The following RBFOX1 variants were observed in gnomAD, a reference collection of about 807,000 sequenced individuals.
The protein encoded by RBFOX1 is RNA binding fox-1 homolog 1.
Under a neutral mutation model 57.7 loss-of-function variants are expected in RBFOX1, and 8 were observed. The observed-to-expected ratio is 0.14, with a 90% confidence interval of 0.08 to 0.25. The LOEUF is 0.25. RBFOX1 is among the 10% of genes least tolerant of loss of function. The pLI is 1.00. For synonymous variants in RBFOX1, 326 were observed against 222.4 expected (o/e 1.47, Z -4.15); for missense variants, 611 against 548.5 (o/e 1.11, Z -1.14).
chr16:5,914,064 C>T (rs1247230762), intron 4 of RBFOX1, among the ~76,000 whole-genome samples: 2 of 152,180 alleles, frequency 1.3e-5, no homozygotes, highest in Non-Finnish European at 2.9e-5. Flanking sequence ...GAGGCATTAA[C>T]CCACAACTTT....
intron 3 of RBFOX1, among the ~76,000 whole-genome samples, chr16:6,951,160 G>C (rs991233810): frequency 2.2e-4 from 34 of 152,102 alleles, no homozygotes; most frequent in African/African-American, 7.0e-4. Context: ...TCCAGCATCA[G>C]CTTCCCAAAG....
At chr16:7,052,944 A>G (rs1389061541) in intron 4 of RBFOX1, among the ~76,000 whole-genome samples, 7 of 152,204 alleles carry the variant, frequency 4.6e-5, no homozygotes, top group Admixed American at 3.3e-4. Flanking sequence ...TCAAATTGTT[A>G]TAAAAATCAG....
chr16:7,302,824 T>C (rs2096065855), intron 4 of RBFOX1, among the ~76,000 whole-genome samples: 1 of 151,890 alleles, frequency 6.6e-6, no homozygotes, highest in Non-Finnish European at 1.5e-5. Flanking sequence ...CATCCTATTT[T>C]ATTGCATAAA....
intron 3 of RBFOX1, among the ~76,000 whole-genome samples, chr16:6,884,967 C>G (rs2063691912): frequency 2.0e-5 from 3 of 152,276 alleles, no homozygotes; most frequent in Admixed American, 2.0e-4. Flanking sequence ...GACCGCAACC[C>G]AGATCTATCT....
rs36218292 is a variant in RBFOX1 at position 6,028,509 on chromosome 16, T to TAAAAAAAAA, written c.-127+8534_-127+8542dup. 1.5e-3 allele frequency among the ~76,000 whole-genome samples: 159 copies of TAAAAAAAAA among 104,496 alleles called. 1 individual carries two copies. Among genetic ancestry groups the TAAAAAAAAA allele is most frequent in the African/African-American group, 5.4e-3 (155 of 28,640 alleles). 68.6% of individuals were successfully genotyped at this position (104,496 alleles called of 152,430 possible). A position where few individuals can be genotyped will look rare whatever the true frequency, so the allele number is the denominator to read the frequency against. On this transcript the variant is annotated intron_variant, in intron 1 of 15. Coordinates refer to ENST00000550418, the MANE Select transcript of RBFOX1 (RefSeq NM_018723.4). ...CAACATAATGAGACCCTGTCTCTGTTAAAAAAAAAAAAAAAAAAAAAAAAA... is the reference window on the plus strand; with the variant it reads ...CAACATAATGAGACCCTGTCTCTGTTAAAAAAAAAAAAAAAAAAAAAAAAAAAAAAAAAA...
intron 3 of RBFOX1, among the ~76,000 whole-genome samples, chr16:6,690,483 A>C (rs1025585943): frequency 6.6e-6 from 1 of 152,196 alleles, no homozygotes; most frequent in African/African-American, 2.4e-5. Context: ...AAAGAAAAAA[A>C]TAAAATTAAC....
intron 1 of RBFOX1, among the ~76,000 whole-genome samples, chr16:5,284,384 G>C (rs2063341165): frequency 6.6e-6 from 1 of 152,068 alleles, no homozygotes; most frequent in Non-Finnish European, 1.5e-5. Flanking sequence ...TTGTGTGTCT[G>C]CTCTATCAGA....
At chr16:5,616,579 TCTCCCTCTCCCTC>T (rs1321819598) in intron 3 of RBFOX1, among the ~76,000 whole-genome samples, 2 of 143,306 alleles carry the variant, frequency 1.4e-5, no homozygotes, top group Non-Finnish European at 3.1e-5. Flanking sequence ...CCCTCTCCCT[TCTCCCTCTCCCTC>T]CTCCTCCTCC....
intron 4 of RBFOX1, among the ~76,000 whole-genome samples, chr16:7,078,433 C>A (rs192391389): frequency 6.6e-6 from 1 of 152,214 alleles, no homozygotes; most frequent in Admixed American, 6.5e-5. Context: ...CTGAAACCTC[C>A]GCCTCCCGGA....
At chr16:7,467,078 G>A (rs1313400209) in intron 4 of RBFOX1, among the ~76,000 whole-genome samples, 2 of 152,238 alleles carry the variant, frequency 1.3e-5, no homozygotes, top group African/African-American at 4.8e-5. Context: ...ATATAAATAT[G>A]TACATATTTT....
intron 14 of RBFOX1, among the ~76,000 whole-genome samples, chr16:7,687,018 A>G (rs1463448756): frequency 1.3e-5 from 2 of 152,108 alleles, no homozygotes; most frequent in African/African-American, 2.4e-5. Context: ...CATGTTAGCA[A>G]TAGGAACTGT....
intron 3 of RBFOX1, among the ~76,000 whole-genome samples, chr16:6,986,466 T>G (rs1325644461): frequency 6.6e-6 from 1 of 152,190 alleles, no homozygotes; most frequent in African/African-American, 2.4e-5. Flanking sequence ...CCCAAAGTGC[T>G]GGTATTACAG....
At chr16:7,415,667 A>T (rs1009977197) in intron 4 of RBFOX1, among the ~76,000 whole-genome samples, 4 of 152,134 alleles carry the variant, frequency 2.6e-5, no homozygotes, top group African/African-American at 4.8e-5. Context: ...TAAAAGTGCC[A>T]CCCTCTACCA....
intron 4 of RBFOX1, among the ~76,000 whole-genome samples, chr16:7,314,879 G>A (rs553421432): frequency 6.6e-6 from 1 of 152,298 alleles, no homozygotes; most frequent in Non-Finnish European, 1.5e-5. Flanking sequence ...GAAAAAGAAT[G>A]CAGCTTCGTT....
chr16:6,327,258 A>G (rs2082482282), intron 2 of RBFOX1, among the ~76,000 whole-genome samples: 1 of 151,930 alleles, frequency 6.6e-6, no homozygotes, highest in Non-Finnish European at 1.5e-5. Context: ...CCCTGCGATC[A>G]TCATTATAAT....
intron 3 of RBFOX1, among the ~76,000 whole-genome samples, chr16:5,738,582 C>T (rs11645832): frequency 0.27 from 39,275 of 145,440 alleles, 5,721 homozygotes; most frequent in East Asian, 0.56. Flanking sequence ...TGCCATGTGC[C>T]GAGATTGCAC....
At chr16:5,834,819 T>TAGATAGATAGAC (rs869158252) in intron 3 of RBFOX1, among the ~76,000 whole-genome samples, 181 of 134,410 alleles carry the variant, frequency 1.3e-3, no homozygotes, top group African/African-American at 5.1e-3. Flanking sequence ...GATAGATAGA[T>TAGATAGATAGAC]AGACAGACAG....
In RBFOX1 at chr16:7,111,880, A is replaced by G. The variant is rs745682226; in HGVS notation, c.27+59782A>G. ...TGTATAAATTGATCAGTTGAATTGA[A>G]AAGCTGCTGACTGGCTGATTTAGCA... On this transcript the variant is annotated intron_variant, in intron 4 of 15. Coordinates refer to ENST00000550418, the MANE Select transcript of RBFOX1 (RefSeq NM_018723.4). Among the ~76,000 whole-genome samples the G allele has an allele frequency of 1.4e-4, 22 of 152,270 alleles. 1 individual carries two copies. Among genetic ancestry groups the G allele is most frequent in the Non-Finnish European group, 2.8e-4 (19 of 68,014 alleles).
intron 4 of RBFOX1, among the ~76,000 whole-genome samples, chr16:7,487,234 C>A (rs1362187079): frequency 6.6e-6 from 1 of 152,136 alleles, no homozygotes; most frequent in African/African-American, 2.4e-5. Flanking sequence ...GTTCCCACTG[C>A]CTCACCTTGT....
Sources: gnomAD v4.1 joint callset for allele counts (sites outside exome capture counted in the v4.1 genomes callset) on GRCh38, gnomAD v4.1.1 for gene constraint, MANE v1.5 for transcripts, NCBI Gene and HGNC (gene_info 2026-07-23, HGNC 2026-07-21) for gene names.